Variants in ITIH4 observed in about 807,000 individuals in gnomAD.
ITIH4 encodes the protein inter-alpha-trypsin inhibitor heavy chain H4.
A neutral mutation model predicts 111.8 loss-of-function variants in ITIH4; 79 were observed. The observed-to-expected ratio is 0.71, with a 90% CI of 0.59 to 0.85. ITIH4 has a LOEUF of 0.85. Ranked by LOEUF, ITIH4 falls within the 40% of genes least tolerant of loss-of-function variation. The probability of loss-of-function intolerance (pLI) is 0.00; values close to 1 mark genes in which losing one functional copy is unlikely to be tolerated. For missense variants in ITIH4, 1,065 were observed against 1,195.8 expected (o/e 0.89, Z 1.61); for synonymous variants, 472 against 468.3 (o/e 1.01, Z -0.10).
At chr3:52,814,403 C>A in intron 21 of ITIH4, 40 bp from the exon 22 acceptor site, 2 of 1,590,244 alleles carry the variant, frequency 1.3e-6, no homozygotes, top group East Asian at 2.2e-5. Context: ...AAGGTAGAGA[C>A]GTGTGCACAG....
intron 13 of ITIH4, 109 bp downstream of exon 13, chr3:52,820,522 T>C (rs1340955861): frequency 1.7e-5 from 23 of 1,355,792 alleles, no homozygotes; most frequent in Non-Finnish European, 2.2e-5. Flanking sequence ...CCAGGGGGAG[T>C]CTGTTGGGGG....
chr3:52,824,845 C>A lies in ITIH4; in HGVS notation c.873G>T (p.Gln291His). The change falls in exon 7 of 24, where the codon CAG becomes CAT. Residue 291 changes from glutamine to histidine, a missense_variant. By Grantham distance (24) the Gln-to-His change is conservative (BLOSUM62 0). Transcript: ENST00000266041. The surrounding 1 kb of genome is among the most constrained non-coding windows in gnomAD (Gnocchi z 4.3). ...KSGSMSGRKI[Q>H]QTREALIKIL... ...TGCCCTGGGCCACAGGACCTACCTG[C>A]TGGATTTTCCTGCCACTCATGGAGC... 6.2e-6 allele frequency: 10 copies of A among 1,612,346 alleles called. No individual in the cohort carries two copies. Among genetic ancestry groups the A allele is most frequent in the Non-Finnish European group, 8.5e-6 (10 of 1,178,762 alleles).
In ITIH4 at chr3:52,824,096, C is replaced by G; in HGVS notation, c.1172-92G>C. On this transcript the variant is annotated intron_variant, in intron 9 of 23. Transcript: ENST00000266041. The surrounding 1 kb of genome is among the most constrained non-coding windows in gnomAD (Gnocchi z 4.3). The stretch of plus-strand genomic sequence containing the variant: ...TCAGAGCCGAGGGGCCTCAGTGACC[C>G]CCTCTCCCTGCCCAGATCCCACAGC... 1 of 1,572,660 alleles carries G rather than the reference C, an allele frequency of 6.4e-7. No individual in the cohort carries two copies. The highest frequency in any genetic ancestry group is 1.4e-5 in the African/African-American group (1 of 74,018).
At chr3:52,820,499 T>C in intron 13 of ITIH4, 132 bp downstream of exon 13, 2 of 1,226,026 alleles carry the variant, frequency 1.6e-6, no homozygotes, top group South Asian at 1.4e-5. Context: ...CATCAGTGAA[T>C]AGGCTGAATC....
intron 16 of ITIH4, 70 bp from the exon 17 acceptor site, chr3:52,819,588 T>A (rs1483090929): frequency 6.2e-7 from 1 of 1,606,662 alleles, no homozygotes; most frequent in Non-Finnish European, 8.5e-7. Flanking sequence ...GGGCTTGAGA[T>A]CCACCCAGGA....
intron 18 of ITIH4, 36 bp downstream of exon 18, chr3:52,818,426 C>T: frequency 6.3e-7 from 1 of 1,579,502 alleles, no homozygotes; most frequent in South Asian, 1.1e-5. Context: ...TCCCAGGATC[C>T]CCCTGTTAGG....
At position 52,829,180 on chromosome 3, in the gene ITIH4, C is replaced by G; in HGVS notation, c.190G>C (p.Val64Leu). The G allele has an allele frequency of 1.9e-6, 3 of 1,613,224 alleles. No individual in the cohort carries two copies. Among genetic ancestry groups the G allele is most frequent in the South Asian group, 2.2e-5 (2 of 91,032 alleles). Residue 64 changes from valine to leucine, a missense_variant, in exon 2 of 24, where the codon GTG becomes CTG. Physicochemically the swap from Val to Leu is conservative, Grantham distance 32 (BLOSUM62 1). Transcript: ENST00000266041. ...TSRVVNRANT[V>L]QEATFQMELP... ...TCCATCTGGAAGGTGGCCTCCTGCA[C>G]AGTATTGGCCCTATTGACCACTCGG...
chr3:52,819,804 A>G lies in ITIH4; in HGVS notation c.1913-12T>C. Reference sequence around the variant, plus strand: ...AGAAAAGGAAGCCTCTGTGTGGTCAAGTCCTGATCAGATACAACTGAACTG... The same window carrying G: ...AGAAAAGGAAGCCTCTGTGTGGTCAGGTCCTGATCAGATACAACTGAACTG... On this transcript the variant is annotated splice_polypyrimidine_tract_variant and intron_variant, in intron 15 of 23. Coordinates refer to ENST00000266041, the MANE Select transcript of ITIH4 (RefSeq NM_002218.5). 1.2e-6 allele frequency: 2 copies of G among 1,614,058 alleles called. No homozygotes were observed. The highest frequency in any genetic ancestry group is 1.7e-6 in the Non-Finnish European group (2 of 1,179,962).
chr3:52,813,688 G>A (rs1028175876), intron 23 of ITIH4, among the ~76,000 whole-genome samples, 198 bp from the exon 24 acceptor site: 2 of 152,298 alleles, frequency 1.3e-5, no homozygotes, highest in African/African-American at 4.8e-5. Context: ...GGTCTCCAGG[G>A]TTTAGGCTCT....
chr3:52,813,738 CCCAA>C (rs1700228617), intron 23 of ITIH4, among the ~76,000 whole-genome samples: 1 of 152,158 alleles, frequency 6.6e-6, no homozygotes, highest in Non-Finnish European at 1.5e-5. Context: ...TCCGACTGTC[CCCAA>C]CCAACCCCAG....
chr3:52,824,657 G>A lies in ITIH4; in HGVS notation c.877-92C>T. On this transcript the variant is annotated intron_variant, in intron 7 of 23. Coordinates refer to ENST00000266041, the MANE Select transcript of ITIH4 (RefSeq NM_002218.5). This position sits in a 1 kb window ranked among gnomAD's most constrained non-coding sequence, Gnocchi z 4.3. ...GGCATCCTTGGACTCCTGTCTCAGG[G>A]GTGAGGTCATGGTATCTGCTCTAGG... 8.6e-6 allele frequency: 12 copies of A among 1,403,402 alleles called. No individual in the cohort carries two copies. The highest frequency in any genetic ancestry group is 1.1e-5 in the Non-Finnish European group (11 of 1,026,084). The allele number at this position is 1,403,402 out of a possible 1,614,324, so 86.9% of individuals were successfully genotyped here.
At chr3:52,820,132 C>A in intron 14 of ITIH4, 142 bp from the exon 15 acceptor site, 1 of 1,280,346 alleles carries the variant, frequency 7.8e-7, no homozygotes, top group African/African-American at 1.5e-5. Flanking sequence ...AATGCACCAG[C>A]ATGCTGGGTC....
chr3:52,819,844 T>C lies in ITIH4; in HGVS notation c.1913-52A>G, dbSNP rs758997307. 3 of 1,608,564 alleles carry C rather than the reference T, an allele frequency of 1.9e-6. No homozygotes were observed. In the African/African-American group the frequency reaches 4.0e-5, roughly 22 times the overall value. On this transcript the variant is annotated intron_variant, in intron 15 of 23. Coordinates refer to ENST00000266041, the MANE Select transcript of ITIH4 (RefSeq NM_002218.5). ...CAACTGAACTGAGGCCCGAGGGCTG[T>C]CACCAGCCAGAGGAGCTGGGCAAGG...
chr3:52,819,894 A>G (rs2154111325), intron 15 of ITIH4, 46 bp downstream of exon 15: 1 of 1,608,518 alleles, frequency 6.2e-7, no homozygotes, highest in South Asian at 1.1e-5. Context: ...GCCAGGACTG[A>G]GCCCAATCTG....
chr3:52,826,672 C>T (rs1455542743), intron 4 of ITIH4, 21 bp from the exon 5 acceptor site: 3 of 1,612,516 alleles, frequency 1.9e-6, no homozygotes, highest in African/African-American at 2.7e-5. Context: ...GATGTGGGTC[C>T]CTGGGTCAGC....
intron 18 of ITIH4, 29 bp from the exon 19 acceptor site, chr3:52,818,312 C>T: frequency 1.3e-6 from 2 of 1,573,772 alleles, no homozygotes; most frequent in South Asian, 1.2e-5. Flanking sequence ...TGGGTTTAGG[C>T]AGCCCCTTCC....
intron 2 of ITIH4, 107 bp downstream of exon 2, chr3:52,829,012 G>A: frequency 3.7e-6 from 4 of 1,066,974 alleles, no homozygotes; most frequent in Non-Finnish European, 5.3e-6. Context: ...TCCTGAAGAT[G>A]TACACCCTGG....
chr3:52,822,563 A>T (rs1700403164), intron 11 of ITIH4, among the ~76,000 whole-genome samples: 1 of 152,130 alleles, frequency 6.6e-6, no homozygotes, highest in African/African-American at 2.4e-5. Context: ...TGACTTTATG[A>T]GGGGGGCATG....
chr3:52,824,610 A>G lies in ITIH4; in HGVS notation c.877-45T>C. ...ATAGGTGCTTCAGAAGGGCTCCCTGAGGGCTCGTGTGCCCTAGGGCTGGCA... is the reference window on the plus strand; with the variant it reads ...ATAGGTGCTTCAGAAGGGCTCCCTGGGGGCTCGTGTGCCCTAGGGCTGGCA... On this transcript the variant is annotated intron_variant, in intron 7 of 23. Coordinates refer to ENST00000266041, the MANE Select transcript of ITIH4 (RefSeq NM_002218.5). The surrounding 1 kb of genome is among the most constrained non-coding windows in gnomAD (Gnocchi z 4.3). The G allele has an allele frequency of 6.3e-7, 1 of 1,575,280 alleles. No individual in the cohort carries two copies. The highest frequency in any genetic ancestry group is 1.1e-5 in the South Asian group (1 of 87,722).
Sources: allele counts gnomAD v4.1 joint callset (sites outside exome capture counted in the v4.1 genomes callset), GRCh38; gene constraint gnomAD v4.1.1; non-coding constraint Gnocchi (gnomAD v3.1); transcripts MANE v1.5; gene names NCBI Gene and HGNC (gene_info 2026-07-23, HGNC 2026-07-21).